Variants in ZBTB46 observed in about 807,000 individuals in gnomAD.
The protein encoded by ZBTB46 is zinc finger and BTB domain-containing protein 46.
In ZBTB46, 8 loss-of-function variants were observed where a neutral mutation model predicts 44.1. That is an observed-to-expected ratio of 0.18 (90% CI 0.11 to 0.33). The LOEUF (loss-of-function observed/expected upper bound fraction) is 0.33, where lower values mean the gene tolerates loss of function less well. ZBTB46 is among the 10% of genes least tolerant of loss of function. The probability of loss-of-function intolerance (pLI) is 1.00; values close to 1 mark genes in which losing one functional copy is unlikely to be tolerated. For synonymous variants in ZBTB46, 409 were observed against 382.3 expected, an observed-to-expected ratio of 1.07 and a Z score of -0.81; for missense variants, 651 against 847.7, an observed-to-expected ratio of 0.77 and a Z score of 2.88.
intron 1 of ZBTB46, among the ~76,000 whole-genome samples, chr20:63,830,831 G>GCGCCC (rs1324659787): frequency 1.4e-5 from 2 of 143,060 alleles, no homozygotes; most frequent in Admixed American, 6.8e-5. Flanking sequence ...CCGCCCCCGC[G>GCGCCC]CGCCCCGCCC....
chr20:63,774,910 G>A (rs931755703), intron 3 of ZBTB46, among the ~76,000 whole-genome samples: 2 of 151,940 alleles, frequency 1.3e-5, no homozygotes, highest in Non-Finnish European at 2.9e-5. Flanking sequence ...TCACCGTGTT[G>A]GCCAAGATGG....
intron 1 of ZBTB46, among the ~76,000 whole-genome samples, chr20:63,806,769 C>A (rs2092684153): frequency 6.6e-6 from 1 of 151,686 alleles, no homozygotes; most frequent in African/African-American, 2.4e-5. Flanking sequence ...CCACCACGCC[C>A]AGCTAATTGT....
intron 3 of ZBTB46, among the ~76,000 whole-genome samples, chr20:63,772,237 C>CCA (rs2092381111): frequency 6.6e-6 from 1 of 152,010 alleles, no homozygotes; most frequent in Middle Eastern, 3.2e-3. Flanking sequence ...CTCAGGTGAT[C>CCA]CACCTGCCTT....
chr20:63,751,294 G>C (rs1330975152), intron 4 of ZBTB46, among the ~76,000 whole-genome samples: 1 of 152,180 alleles, frequency 6.6e-6, no homozygotes, highest in Non-Finnish European at 1.5e-5. Flanking sequence ...GTGGTCCAGG[G>C]GCCCCCTCCC....
At chr20:63,776,977 A>G (rs1001137168) in intron 2 of ZBTB46, among the ~76,000 whole-genome samples, 1 of 151,992 alleles carries the variant, frequency 6.6e-6, no homozygotes, top group Non-Finnish European at 1.5e-5. Flanking sequence ...GAAACGCAAA[A>G]CACAACACGA....
chr20:63,796,507 G>A (rs2092605328), intron 1 of ZBTB46, among the ~76,000 whole-genome samples: 1 of 152,238 alleles, frequency 6.6e-6, no homozygotes, highest in African/African-American at 2.4e-5. Context: ...ATTTCCGTTA[G>A]GCTCCACTTA....
At chr20:63,823,520 G>A (rs79486105) in intron 1 of ZBTB46, among the ~76,000 whole-genome samples, 9 of 127,488 alleles carry the variant, frequency 7.1e-5, no homozygotes, top group African/African-American at 2.3e-4. Context: ...AAATAAATAA[G>A]ATAAAATAAA....
Position 63,803,246 on chromosome 20 carries a change from T to C in ZBTB46, c.-33-12456A>G. On this transcript the variant is annotated intron_variant, in intron 1 of 4. Transcript: ENST00000245663. The surrounding 1 kb of genome is among the most constrained non-coding windows in gnomAD (Gnocchi z 4.0). ...GGCACCTCCCCTCACACCAAGGCGT[T>C]CATGGTTTACCTTCTTCTGAAAAAA... 1 of 952,898 alleles carries C rather than the reference T, an allele frequency of 1.0e-6. No individual in the cohort carries two copies. The highest frequency in any genetic ancestry group is 1.2e-6 in the Non-Finnish European group (1 of 800,374). The allele number at this position is 952,898 out of a possible 1,614,324, so 59.0% of individuals were successfully genotyped here.
At chr20:63,769,607 A>T (rs552844367) in intron 3 of ZBTB46, among the ~76,000 whole-genome samples, 15 of 152,252 alleles carry the variant, frequency 9.9e-5, no homozygotes, top group Admixed American at 2.6e-4. Context: ...TCTCTTTCCT[A>T]GGAGCCAAGT....
In ZBTB46 at chr20:63,744,191, C is replaced by G. The variant is rs1601371973; in HGVS notation, c.*2739G>C. 6.6e-6 allele frequency: 1 copy of G among 152,106 alleles called. No homozygotes were observed. The highest frequency in any genetic ancestry group is 1.5e-5 in the Non-Finnish European group (1 of 68,030). The allele number at this position is 152,106 out of a possible 1,614,324, so 9.4% of individuals were successfully genotyped here. A position where few individuals can be genotyped will look rare whatever the true frequency, so the allele number is the denominator to read the frequency against. ...AGAATGAGCTAAAATAAGATTACTTCTTTTATAATATTGCAAAAAGTTCCA... is the reference window on the plus strand; with the variant it reads ...AGAATGAGCTAAAATAAGATTACTTGTTTTATAATATTGCAAAAAGTTCCA... On this transcript the variant is annotated 3_prime_UTR_variant, in exon 5 of 5. Transcript: ENST00000245663.
In ZBTB46 at chr20:63,752,443, C is replaced by G. The variant is rs4809222; in HGVS notation, c.1398+243G>C. ...GTTTGCCGAGGCCTGGCTGCCTTGG[C>G]GGCCAGCAGGTGAGCAGGGTGGGCC... On this transcript the variant is annotated intron_variant, in intron 4 of 4. Coordinates refer to ENST00000245663, the MANE Select transcript of ZBTB46 (RefSeq NM_001369741.1). The surrounding 1 kb of genome is among the most constrained non-coding windows in gnomAD (Gnocchi z 5.6). 0.64 allele frequency among the ~76,000 whole-genome samples: 97,711 copies of G among 151,808 alleles called. 32,263 individuals are homozygous for G. The highest frequency in any genetic ancestry group is 0.8 in the African/African-American group (33,014 of 41,422).
At chr20:63,788,925 T>C (rs2092537670) in intron 2 of ZBTB46, among the ~76,000 whole-genome samples, 1 of 145,858 alleles carries the variant, frequency 6.9e-6, no homozygotes, top group Non-Finnish European at 1.5e-5. Context: ...AACCTCCGCC[T>C]CCCAGGTTCA....
At chr20:63,802,889 G>A (rs567707576) in intron 1 of ZBTB46, among the ~76,000 whole-genome samples, 3 of 152,186 alleles carry the variant, frequency 2.0e-5, no homozygotes, top group Non-Finnish European at 2.9e-5. Context: ...AACCGCGGCG[G>A]GCTGATGCCC....
intron 3 of ZBTB46, among the ~76,000 whole-genome samples, chr20:63,771,553 G>A (rs2092373419): frequency 1.3e-5 from 2 of 152,218 alleles, no homozygotes; most frequent in African/African-American, 2.4e-5. Context: ...GTACCGGCGA[G>A]TGGGGCTACG....
Position 63,747,246 on chromosome 20 carries a change from G to C in ZBTB46, c.1454C>G (p.Ser485Cys). 1 of 1,572,978 alleles carries C rather than the reference G, an allele frequency of 6.4e-7. No individual in the cohort carries two copies. Among genetic ancestry groups the C allele is most frequent in the Non-Finnish European group, 8.6e-7 (1 of 1,161,370 alleles). ...ATGCCTGATGCCCACGCTGGCGGCGGACATGAAGACGCGGCTGCACACCTT... is the reference window on the plus strand; with the variant it reads ...ATGCCTGATGCCCACGCTGGCGGCGCACATGAAGACGCGGCTGCACACCTT... ...VCKVCSRVFM[S>C]AASVGIRHGS... The change falls in exon 5 of 5, where the codon TCC becomes TGC. Residue 485 changes from serine (S) to cysteine (C), a missense_variant. Physicochemically the swap from Ser to Cys is moderately radical, Grantham distance 112 (BLOSUM62 -1). Coordinates refer to ENST00000245663, the MANE Select transcript of ZBTB46 (RefSeq NM_001369741.1).
intron 2 of ZBTB46, among the ~76,000 whole-genome samples, chr20:63,779,234 TTA>T (rs1490331500): frequency 4.6e-5 from 7 of 150,780 alleles, no homozygotes; most frequent in Middle Eastern, 3.4e-3. Flanking sequence ...ATTTAATTAA[TTA>T]ATTAATTTAT....
Position 63,790,598 on chromosome 20 carries a change from G to T in ZBTB46, c.160C>A (p.Arg54Ser), listed in dbSNP as rs747852233. 11 of 1,612,424 alleles carry T rather than the reference G, an allele frequency of 6.8e-6. No individual in the cohort carries two copies. Among genetic ancestry groups the T allele is most frequent in the Non-Finnish European group, 9.3e-6 (11 of 1,180,028 alleles). Residue 54 changes from arginine to serine, a missense_variant, in exon 2 of 5, where the codon CGC becomes AGC. By Grantham distance (110) the Arg-to-Ser change is moderately radical. Transcript: ENST00000245663. Reference protein sequence around the residue: ...AHKNVLLGSSRYFKTLYCQVQ... With the variant: ...AHKNVLLGSSSYFKTLYCQVQ... Reference sequence around the variant, plus strand: ...TGGCAGTAGAGCGTCTTGAAGTAGCGGCTGCTGCCCAGCAGGACGTTCTTG... The same window carrying T: ...TGGCAGTAGAGCGTCTTGAAGTAGCTGCTGCTGCCCAGCAGGACGTTCTTG...
At chr20:63,763,604 G>A (rs952498074) in intron 3 of ZBTB46, among the ~76,000 whole-genome samples, 1 of 152,132 alleles carries the variant, frequency 6.6e-6, no homozygotes, top group Non-Finnish European at 1.5e-5. Context: ...CAGCACTAAG[G>A]GGAGGGAGCT....
intron 1 of ZBTB46, among the ~76,000 whole-genome samples, chr20:63,794,402 A>G (rs2145947419): frequency 6.6e-6 from 1 of 152,198 alleles, no homozygotes; most frequent in African/African-American, 2.4e-5. Flanking sequence ...TTTGTTGCCC[A>G]GGCTGATCTC....
Sources: gnomAD v4.1 joint callset for allele counts (sites outside exome capture counted in the v4.1 genomes callset) on GRCh38, gnomAD v4.1.1 for gene constraint, Gnocchi (gnomAD v3.1) non-coding constraint, MANE v1.5 for transcripts, NCBI Gene and HGNC (gene_info 2026-07-23, HGNC 2026-07-21) for gene names.